Variants in AGPAT4 observed in about 807,000 individuals in gnomAD.
AGPAT4 encodes 1-acyl-sn-glycerol-3-phosphate acyltransferase delta.
Under a neutral mutation model 48.0 loss-of-function variants are expected in AGPAT4, and 15 were observed. The observed-to-expected ratio is 0.31, with a 90% CI of 0.21 to 0.48. AGPAT4 has a LOEUF of 0.48. Among genes scored for constraint, AGPAT4 ranks in the 20% least tolerant of loss-of-function variants. The probability of loss-of-function intolerance (pLI) is 0.99; values close to 1 mark genes in which losing one functional copy is unlikely to be tolerated. For synonymous variants in AGPAT4, 178 were observed against 198.7 expected (o/e 0.90, Z 0.88); for missense variants, 314 against 482.5 (o/e 0.65, Z 3.27).
In AGPAT4 at chr6:161,261,217, T is replaced by C. The variant is rs1466235374; in HGVS notation, c.-90+12721A>G. ...TTTCCCTGTTTCTCATGGCCCCTTC[T>C]CTATTAGCCATGAAGCTCACTGTCA... On this transcript the variant is annotated intron_variant, in intron 1 of 8. Coordinates refer to ENST00000320285, the MANE Select transcript of AGPAT4 (RefSeq NM_020133.3). The surrounding 1 kb of genome is among the most constrained non-coding windows in gnomAD (Gnocchi z 5.3). Among the ~76,000 whole-genome samples the C allele has an allele frequency of 6.6e-6, 1 of 152,180 alleles. No homozygotes were observed. The highest frequency in any genetic ancestry group is 2.4e-5 in the African/African-American group (1 of 41,434).
rs919162368 is a variant in AGPAT4 at position 161,144,350 on chromosome 6, C to T, written c.843+2174G>A. On this transcript the variant is annotated intron_variant, in intron 7 of 8. Transcript: ENST00000320285. The surrounding 1 kb of genome is among the most constrained non-coding windows in gnomAD (Gnocchi z 6.6). The stretch of plus-strand genomic sequence containing the variant: ...AAACTGGGTAAATCACTTCATCTTT[C>T]GGACCTGAATTTCCTCATCAGTAGT... 4.7e-5 allele frequency: 18 copies of T among 386,026 alleles called. No individual in the cohort carries two copies. Among genetic ancestry groups the T allele is most frequent in the Admixed American group, 2.3e-4 (7 of 30,934 alleles). The allele number at this position is 386,026 out of a possible 1,614,324, so 23.9% of individuals were successfully genotyped here. A position where few individuals can be genotyped will look rare whatever the true frequency, so the allele number is the denominator to read the frequency against.
rs2114995371 is a variant in AGPAT4, at chr6:161,184,168, G to C, written c.179-17751C>G. Among the ~76,000 whole-genome samples, 1 of 152,158 alleles carries C rather than the reference G, an allele frequency of 6.6e-6. No individual in the cohort carries two copies. Among genetic ancestry groups the C allele is most frequent in the South Asian group, 2.1e-4 (1 of 4,798 alleles). On this transcript the variant is annotated intron_variant, in intron 2 of 8. Transcript: ENST00000320285. The surrounding 1 kb of genome is among the most constrained non-coding windows in gnomAD (Gnocchi z 4.8). ...GCTGTGTGGAGAAAGAAGTGCAGCA[G>C]GTTACGGGTGGAAGGCAGGTGTTGA...
Position 161,134,608 on chromosome 6 carries a change from A to T in AGPAT4, c.*1932T>A, listed in dbSNP as rs1047828842. On this transcript the variant is annotated 3_prime_UTR_variant, in exon 9 of 9. Coordinates refer to ENST00000320285, the MANE Select transcript of AGPAT4 (RefSeq NM_020133.3). ...ATGAGTCAGCAAGGAAAAGTGTCTCACCCAAATCCTACAGCCGATGAGCTG... is the reference window on the plus strand; with the variant it reads ...ATGAGTCAGCAAGGAAAAGTGTCTCTCCCAAATCCTACAGCCGATGAGCTG... The T allele has an allele frequency of 1.3e-5, 2 of 152,138 alleles. No individual in the cohort carries two copies. The highest frequency in any genetic ancestry group is 4.8e-5 in the African/African-American group (2 of 41,406). 9.4% of individuals were successfully genotyped at this position (152,138 alleles called of 1,614,324 possible). A position where few individuals can be genotyped will look rare whatever the true frequency, so the allele number is the denominator to read the frequency against.
rs1782926235 is a variant in AGPAT4, at chr6:161,255,666, C to T, written c.-90+18272G>A. Among the ~76,000 whole-genome samples, 1 of 151,856 alleles carries T rather than the reference C, an allele frequency of 6.6e-6. No individual in the cohort carries two copies. Among genetic ancestry groups the T allele is most frequent in the South Asian group, 2.1e-4 (1 of 4,798 alleles). On this transcript the variant is annotated intron_variant, in intron 1 of 8. Transcript: ENST00000320285. This position sits in a 1 kb window ranked among gnomAD's most constrained non-coding sequence, Gnocchi z 4.7. ...ATTCGGTTTATATGAAAGGTTCGGA[C>T]TAGGCCAATGCATGGAGACAGAAAG...
chr6:161,194,218 A>G (rs1270293784), intron 2 of AGPAT4, among the ~76,000 whole-genome samples: 1 of 152,258 alleles, frequency 6.6e-6, no homozygotes, highest in Non-Finnish European at 1.5e-5. Flanking sequence ...TTTTGAATAC[A>G]TTATGTTAAT....
Position 161,236,794 on chromosome 6 carries a change from C to T in AGPAT4, c.-89-4492G>A, listed in dbSNP as rs924040333. ...GTGGGTGTCTGTAATCCCAGCTACTCGGGAGGCTGAGGCAGGCGAATCACT... is the reference window on the plus strand; with the variant it reads ...GTGGGTGTCTGTAATCCCAGCTACTTGGGAGGCTGAGGCAGGCGAATCACT... On this transcript the variant is annotated intron_variant, in intron 1 of 8. Transcript: ENST00000320285. This position sits in a 1 kb window ranked among gnomAD's most constrained non-coding sequence, Gnocchi z 5.0. 5.9e-5 allele frequency among the ~76,000 whole-genome samples: 9 copies of T among 151,694 alleles called. No individual in the cohort carries two copies. Among genetic ancestry groups the T allele is most frequent in the Non-Finnish European group, 1.2e-4 (8 of 67,958 alleles).
In AGPAT4 at chr6:161,130,698, C is replaced by T. The variant is rs1778872990; in HGVS notation, c.*5842G>A. 2.4e-5 allele frequency: 8 copies of T among 337,344 alleles called. No individual in the cohort carries two copies. The Admixed American group carries it at 2.4e-4, about 10-fold the overall frequency. 20.9% of individuals were successfully genotyped at this position (337,344 alleles called of 1,614,324 possible). On this transcript the variant is annotated 3_prime_UTR_variant, in exon 9 of 9. Transcript: ENST00000320285. The stretch of plus-strand genomic sequence containing the variant: ...ATCTGTTGACTGTGGGCGGCCTGGG[C>T]CAGCCTTGCTGTGTTTGCCTCAGAT...
At chr6:161,191,527 G>A (rs554125238) in intron 2 of AGPAT4, among the ~76,000 whole-genome samples, 1 of 152,312 alleles carries the variant, frequency 6.6e-6, no homozygotes, top group East Asian at 1.9e-4. Context: ...TTAGATACAA[G>A]GAGGGACACT....
At chr6:161,168,411 C>T (rs568708615) in intron 2 of AGPAT4, among the ~76,000 whole-genome samples, 1 of 152,264 alleles carries the variant, frequency 6.6e-6, no homozygotes, top group East Asian at 1.9e-4. Context: ...GGACTCCTTC[C>T]TGCCTAAGGC....
At chr6:161,181,725 C>T (rs190037316) in intron 2 of AGPAT4, among the ~76,000 whole-genome samples, 2 of 152,284 alleles carry the variant, frequency 1.3e-5, no homozygotes, top group East Asian at 3.9e-4. Context: ...CCTGCCCCAT[C>T]CCAGAATCTC....
At position 161,161,867 on chromosome 6, in the gene AGPAT4, C is replaced by T. The variant is rs1426324941; in HGVS notation, c.348+4381G>A. The T allele has an allele frequency of 2.8e-5, 7 of 251,796 alleles. No individual in the cohort carries two copies. Among genetic ancestry groups the T allele is most frequent in the Admixed American group, 9.5e-5 (2 of 21,116 alleles). The allele number at this position is 251,796 out of a possible 1,614,324, so 15.6% of individuals were successfully genotyped here. A position where few individuals can be genotyped will look rare whatever the true frequency, so the allele number is the denominator to read the frequency against. On this transcript the variant is annotated intron_variant, in intron 3 of 8. Coordinates refer to ENST00000320285, the MANE Select transcript of AGPAT4 (RefSeq NM_020133.3). This position sits in a 1 kb window ranked among gnomAD's most constrained non-coding sequence, Gnocchi z 4.6. ...AAGAGGCAGCACAGGGCTTTATGGG[C>T]GCCCTCACGCACAGGCACTCTGCCT...
Position 161,136,648 on chromosome 6 carries a change from G to A in AGPAT4, c.1043-14C>T, listed in dbSNP as rs531743305. 6.2e-7 allele frequency: 1 copy of A among 1,612,704 alleles called. No individual in the cohort carries two copies. Among genetic ancestry groups the A allele is most frequent in the East Asian group, 2.2e-5 (1 of 44,866 alleles). On this transcript the variant is annotated splice_polypyrimidine_tract_variant and intron_variant, in intron 8 of 8. Coordinates refer to ENST00000320285, the MANE Select transcript of AGPAT4 (RefSeq NM_020133.3). ...CTCCCACGGAGGCTGCAGAGACAAG[G>A]AGAGCAGAGTTAGGAGTAGCCCAAA...
intron 2 of AGPAT4, among the ~76,000 whole-genome samples, chr6:161,213,923 G>T (rs977157816): frequency 6.6e-6 from 1 of 152,112 alleles, no homozygotes; most frequent in African/African-American, 2.4e-5. Context: ...TTAAAGTGGG[G>T]GTGGGGGTGT....
chr6:161,245,033 C>A lies in AGPAT4; in HGVS notation c.-89-12731G>T, dbSNP rs1176115937. On this transcript the variant is annotated intron_variant, in intron 1 of 8. Transcript: ENST00000320285. The surrounding 1 kb of genome is among the most constrained non-coding windows in gnomAD (Gnocchi z 5.2). ...ATGCTAACTTAATTTCGCACACATG[C>A]CTACTAGCAAGCCGTGCACCAACTG... Among the ~76,000 whole-genome samples the A allele has an allele frequency of 6.6e-6, 1 of 152,254 alleles. No individual in the cohort carries two copies. Among genetic ancestry groups the A allele is most frequent in the Non-Finnish European group, 1.5e-5 (1 of 68,046 alleles).
chr6:161,137,041 G>A lies in AGPAT4; in HGVS notation c.1043-407C>T, dbSNP rs1779089971. On this transcript the variant is annotated intron_variant, in intron 8 of 8. Transcript: ENST00000320285. This position sits in a 1 kb window ranked among gnomAD's most constrained non-coding sequence, Gnocchi z 6.1. ...TAAAGAACAGACCAGGAGCCTGGAA[G>A]ACGCAAGAGCTCGAGTATCGAGTGC... 1.3e-5 allele frequency among the ~76,000 whole-genome samples: 2 copies of A among 152,234 alleles called. No individual in the cohort carries two copies. The highest frequency in any genetic ancestry group is 2.9e-5 in the Non-Finnish European group (2 of 68,046).
chr6:161,203,955 C>T (rs961354920), intron 2 of AGPAT4, among the ~76,000 whole-genome samples: 6 of 152,182 alleles, frequency 3.9e-5, no homozygotes, highest in Non-Finnish European at 8.8e-5. Flanking sequence ...TGATGCTACA[C>T]AGACTTGCAT....
chr6:161,136,925 T>C (rs1779086027), intron 8 of AGPAT4, among the ~76,000 whole-genome samples: 2 of 152,182 alleles, frequency 1.3e-5, no homozygotes, highest in Non-Finnish European at 2.9e-5. Flanking sequence ...CTCAGAGAAA[T>C]CCCTGGCTTC....
In AGPAT4 at chr6:161,144,121, CT is replaced by C. The variant is rs1562310805; in HGVS notation, c.843+2402del. ...AGGCTGATACAGAAAGGAATTGTCC[CT>C]TGATGTCTATTCACCACTCTGCTTG... On this transcript the variant is annotated intron_variant, in intron 7 of 8. Transcript: ENST00000320285. The surrounding 1 kb of genome is among the most constrained non-coding windows in gnomAD (Gnocchi z 6.6). The C allele has an allele frequency of 3.8e-6, 2 of 533,260 alleles. No individual in the cohort carries two copies. The highest frequency in any genetic ancestry group is 2.8e-5 in the South Asian group (2 of 71,522). The allele number at this position is 533,260 out of a possible 1,614,324, so 33.0% of individuals were successfully genotyped here.
At position 161,225,007 on chromosome 6, in the gene AGPAT4, T is replaced by C. The variant is rs1303768119; in HGVS notation, c.178+7029A>G. 6.6e-6 allele frequency among the ~76,000 whole-genome samples: 1 copy of C among 152,146 alleles called. No individual in the cohort carries two copies. Among genetic ancestry groups the C allele is most frequent in the Non-Finnish European group, 1.5e-5 (1 of 68,024 alleles). On this transcript the variant is annotated intron_variant, in intron 2 of 8. Transcript: ENST00000320285. This position sits in a 1 kb window ranked among gnomAD's most constrained non-coding sequence, Gnocchi z 5.0. ...CCTGCTCCACCCTGACTCATTCCAA[T>C]TACGTGCTTCACCCTGACTCCTTCC...
Sources: gnomAD v4.1 joint callset for allele counts (sites outside exome capture counted in the v4.1 genomes callset) on GRCh38, gnomAD v4.1.1 for gene constraint, Gnocchi (gnomAD v3.1) non-coding constraint, MANE v1.5 for transcripts, NCBI Gene and HGNC (gene_info 2026-07-23, HGNC 2026-07-21) for gene names.